EFCAB8: variants seen among roughly 807,000 people sequenced by gnomAD.
EFCAB8 encodes the protein EF-hand calcium-binding domain-containing protein 8.
In EFCAB8, 100 loss-of-function variants were observed where a neutral mutation model predicts 116.3. The observed-to-expected ratio is 0.86, with a 90% CI of 0.73 to 1.02. EFCAB8 has a LOEUF of 1.02. EFCAB8 is among the 50% of genes least tolerant of loss of function. The pLI is 0.00. For missense variants in EFCAB8, 1,320 were observed against 1,416.9 expected (o/e 0.93, Z 1.10); for synonymous variants, 558 against 567.9 (o/e 0.98, Z 0.25).
At chr20:32,859,761 A>T (rs1420927455) in intron 1 of EFCAB8, among the ~76,000 whole-genome samples, 3 of 152,220 alleles carry the variant, frequency 2.0e-5, no homozygotes, top group Non-Finnish European at 4.4e-5. Flanking sequence ...TTTTCAGTGT[A>T]CATTTCCTGA....
Position 32,920,311 on chromosome 20 carries a change from C to T in EFCAB8, c.2412+96C>T, listed in dbSNP as rs1312502815. The T allele has an allele frequency of 5.5e-6, 8 of 1,467,774 alleles. No individual in the cohort carries two copies. In the East Asian group the frequency reaches 2.0e-4, roughly 36 times the overall value. 90.9% of individuals were successfully genotyped at this position (1,467,774 alleles called of 1,614,324 possible). On this transcript the variant is annotated intron_variant, in intron 20 of 26. Transcript: ENST00000400522. ...GGGGCTCGGGGGCCTGGGCTCGGGG[C>T]CCGGCCTGATTCTCCCCAGTGCCCG... is the stretch of plus-strand genomic sequence containing the variant.
At position 32,859,012 on chromosome 20, in the gene EFCAB8, T is replaced by A. The variant is rs995710652; in HGVS notation, c.-11+6T>A. ...GGAGATCAAATTGAGTCAGGGTGAG[T>A]GAGGGTTTTAGGTGAAAGTTGCTCT... On this transcript the variant is annotated splice_donor_region_variant and intron_variant, in intron 1 of 26. Transcript: ENST00000400522. The A allele has an allele frequency of 1.3e-5, 6 of 470,920 alleles. No individual in the cohort carries two copies. The highest frequency in any genetic ancestry group is 1.2e-4 in the African/African-American group (6 of 50,026). 29.2% of individuals were successfully genotyped at this position (470,920 alleles called of 1,614,324 possible).
At chr20:32,868,971 T>C (rs1033712563) in intron 3 of EFCAB8, among the ~76,000 whole-genome samples, 10 of 150,620 alleles carry the variant, frequency 6.6e-5, no homozygotes, top group African/African-American at 2.4e-4. Flanking sequence ...GACCACAGAG[T>C]GAGACTCCAT....
chr20:32,860,490 TAAC>T (rs1984051513), intron 1 of EFCAB8, among the ~76,000 whole-genome samples: 1 of 138,240 alleles, frequency 7.2e-6, no homozygotes, highest in Non-Finnish European at 1.5e-5. Context: ...CTGATGGTGG[TAAC>T]TTTTTTTTTT....
chr20:32,870,582 T>C (rs935306577), intron 3 of EFCAB8, among the ~76,000 whole-genome samples: 6 of 152,108 alleles, frequency 3.9e-5, no homozygotes, highest in African/African-American at 1.4e-4. Context: ...CACTGCAGCC[T>C]TGAACTCCTG....
chr20:32,900,891 A>T (rs1000007475), intron 11 of EFCAB8, among the ~76,000 whole-genome samples: 2 of 152,132 alleles, frequency 1.3e-5, no homozygotes, highest in African/African-American at 2.4e-5. Flanking sequence ...TTTAGTAGAG[A>T]TGGGGTTTCA....
chr20:32,865,004 G>A (rs547713716), intron 2 of EFCAB8, among the ~76,000 whole-genome samples: 1 of 152,314 alleles, frequency 6.6e-6, no homozygotes, highest in African/African-American at 2.4e-5. Flanking sequence ...GCTCAGGGAA[G>A]TGATGTGATA....
intron 23 of EFCAB8, among the ~76,000 whole-genome samples, chr20:32,944,075 C>G (rs972816035): frequency 1.3e-4 from 20 of 152,084 alleles, no homozygotes; most frequent in African/African-American, 4.1e-4. Flanking sequence ...AAAAAATAAA[C>G]TTAATTGTTG....
At chr20:32,960,385 T>G (rs1216756919) in intron 26 of EFCAB8, among the ~76,000 whole-genome samples, 1 of 152,190 alleles carries the variant, frequency 6.6e-6, no homozygotes, top group Non-Finnish European at 1.5e-5. Context: ...CTTTTGTCCT[T>G]GAGGACAAGC....
rs1278573826 is a variant in EFCAB8, at chr20:32,906,997, C to G, written c.1308+3C>G. ...TCATCAGTGTCTCCAAGGACAAGGT[C>G]CGCCCCGACGGTCCGCCTGACTCCT... On this transcript the variant is annotated splice_donor_region_variant and intron_variant, in intron 13 of 26. Coordinates refer to ENST00000400522, the MANE Select transcript of EFCAB8 (RefSeq NM_001143967.2). 6.7e-6 allele frequency: 10 copies of G among 1,501,674 alleles called. No homozygotes were observed. The East Asian group carries it at 2.5e-4, about 37-fold the overall frequency. 93.0% of individuals were successfully genotyped at this position (1,501,674 alleles called of 1,614,324 possible).
intron 1 of EFCAB8, among the ~76,000 whole-genome samples, chr20:32,861,288 AT>A (rs1225151503): frequency 6.6e-6 from 1 of 151,982 alleles, no homozygotes; most frequent in East Asian, 1.9e-4. Context: ...ACTGAAACAC[AT>A]TTTATTTTAT....
At chr20:32,898,881 G>A (rs935094022) in intron 11 of EFCAB8, among the ~76,000 whole-genome samples, 2 of 152,212 alleles carry the variant, frequency 1.3e-5, no homozygotes, top group African/African-American at 4.8e-5. Context: ...AGGGATGACT[G>A]TGAGTTACTT....
chr20:32,902,356 G>A (rs569658664), intron 11 of EFCAB8, among the ~76,000 whole-genome samples: 73 of 152,244 alleles, frequency 4.8e-4, no homozygotes, highest in Non-Finnish European at 6.2e-4. Context: ...TTTTGGGGTA[G>A]GGTAGAGAAT....
Position 32,858,959 on chromosome 20 carries a change from G to C in EFCAB8, c.-58G>C, listed in dbSNP as rs1253683151. 2.1e-6 allele frequency: 1 copy of C among 471,042 alleles called. No homozygotes were observed. Among genetic ancestry groups the C allele is most frequent in the East Asian group, 6.9e-5 (1 of 14,390 alleles). 29.2% of individuals were successfully genotyped at this position (471,042 alleles called of 1,614,324 possible). On this transcript the variant is annotated 5_prime_UTR_variant, in exon 1 of 27. Coordinates refer to ENST00000400522, the MANE Select transcript of EFCAB8 (RefSeq NM_001143967.2). ...GGGAGTTGGAAAGTGTTAGCACTTT[G>C]CCAGACTTTGCCAGCAAGATTAACT...
Position 32,960,141 on chromosome 20 carries a change from T to C in EFCAB8, c.3373T>C (p.Tyr1125His), listed in dbSNP as rs1989100662. 6.4e-7 allele frequency: 1 copy of C among 1,551,544 alleles called. No individual in the cohort carries two copies. Among genetic ancestry groups the C allele is most frequent in the Admixed American group, 2.0e-5 (1 of 50,986 alleles). ...NTRFLSTRVP[Y>H]GWMKHQISPQ... ...CAGGTTCCTGTCCACCAGGGTGCCA[T>C]ATGGCTGGATGAAGCATCAGGTAAG... The change falls in exon 26 of 27, where the codon TAT (tyrosine) becomes CAT (histidine). Residue 1125 changes from tyrosine (Y) to histidine (H), a missense_variant. Transcript: ENST00000400522.
At chr20:32,879,256 T>G (rs554405060) in intron 5 of EFCAB8, among the ~76,000 whole-genome samples, 1 of 152,232 alleles carries the variant, frequency 6.6e-6, no homozygotes, top group African/African-American at 2.4e-5. Context: ...AGGAAGGGAA[T>G]TGCTCCTCAA....
intron 17 of EFCAB8, among the ~76,000 whole-genome samples, chr20:32,916,349 C>G (rs1288835409): frequency 6.6e-6 from 1 of 152,164 alleles, no homozygotes; most frequent in Non-Finnish European, 1.5e-5. Flanking sequence ...CCTTGAACTC[C>G]TGGGCTCAAG....
At chr20:32,945,142 TTC>T (rs1480956059) in intron 23 of EFCAB8, among the ~76,000 whole-genome samples, 2 of 151,852 alleles carry the variant, frequency 1.3e-5, no homozygotes, top group African/African-American at 4.8e-5. Flanking sequence ...GCTCTAGAAT[TTC>T]TGTTATTTTT....
At chr20:32,885,358 G>A (rs1985561278) in intron 5 of EFCAB8, 147 bp from the exon 6 acceptor site, 7 of 1,090,700 alleles carry the variant, frequency 6.4e-6, no homozygotes, top group South Asian at 1.6e-5. Context: ...GCCAGCTATG[G>A]GTTTATGGCG....
Sources: gnomAD v4.1 joint callset for allele counts (sites outside exome capture counted in the v4.1 genomes callset) on GRCh38, gnomAD v4.1.1 for gene constraint, MANE v1.5 for transcripts, NCBI Gene and HGNC (gene_info 2026-07-23, HGNC 2026-07-21) for gene names.